FGF14: variants seen among roughly 807,000 people sequenced by gnomAD.
The protein encoded by FGF14 is fibroblast growth factor homologous factor 4.
A neutral mutation model predicts 25.5 loss-of-function variants in FGF14; 5 were observed. That is an observed-to-expected ratio of 0.20 (90% CI 0.10 to 0.41). The LOEUF is 0.41. FGF14 is among the 10% of genes least tolerant of loss of function. The pLI is 1.00. For synonymous variants in FGF14, 138 were observed against 118.3 expected (o/e 1.17, Z -1.08); for missense variants, 222 against 320.1 (o/e 0.69, Z 2.34).
intron 1 of FGF14, among the ~76,000 whole-genome samples, chr13:102,194,781 A>G (rs890986228): frequency 2.0e-5 from 3 of 152,216 alleles, no homozygotes; most frequent in African/African-American, 7.2e-5. Context: ...TGTAAGATCA[A>G]CTAAAATTAT....
Position 102,187,749 on chromosome 13 carries a change from GT to G in FGF14, c.208+213721del, listed in dbSNP as rs550200877. On this transcript the variant is annotated intron_variant, in intron 1 of 4. Transcript: ENST00000376131. Reference sequence around the variant, plus strand: ...GCACCTCTGTGGAAGAAAAGCCATAGTTACAGTTGGTTGTGTGGCTGGAAAT... The same window carrying G: ...GCACCTCTGTGGAAGAAAAGCCATAGTACAGTTGGTTGTGTGGCTGGAAAT... 1.1e-4 allele frequency among the ~76,000 whole-genome samples: 17 copies of G among 152,304 alleles called. No homozygotes were observed. The East Asian group carries it at 3.3e-3, about 29-fold the overall frequency.
At chr13:102,264,415 G>C (rs1185546370) in intron 1 of FGF14, among the ~76,000 whole-genome samples, 2 of 152,112 alleles carry the variant, frequency 1.3e-5, no homozygotes, top group African/African-American at 2.4e-5. Flanking sequence ...TAAAAGTTCT[G>C]ACCACTTCAG....
At chr13:101,934,976 T>G (rs912158) in intron 1 of FGF14, among the ~76,000 whole-genome samples, 3,855 of 152,328 alleles carry the variant, frequency 0.025, 154 homozygotes, top group African/African-American at 0.088. Context: ...CACGATATTG[T>G]ACATATTGTA....
intron 1 of FGF14, among the ~76,000 whole-genome samples, chr13:102,006,508 T>TACAAATACC (rs1219490037): frequency 3.9e-4 from 60 of 152,040 alleles, no homozygotes; most frequent in African/African-American, 1.4e-3. Context: ...AAACTTATTT[T>TACAAATACC]ACAAATACCA....
At chr13:101,873,572 G>A (rs75677922) in intron 2 of FGF14, among the ~76,000 whole-genome samples, 1 of 151,966 alleles carries the variant, frequency 6.6e-6, no homozygotes. Context: ...ATTATGAATC[G>A]CTAAACTTTG....
At chr13:101,971,192 A>G (rs1224905506) in intron 1 of FGF14, among the ~76,000 whole-genome samples, 1 of 152,154 alleles carries the variant, frequency 6.6e-6, no homozygotes, top group Non-Finnish European at 1.5e-5. Context: ...AATAGGGGAT[A>G]CAGAAATTTC....
chr13:102,106,208 G>A (rs181565746), intron 1 of FGF14, among the ~76,000 whole-genome samples: 1 of 152,066 alleles, frequency 6.6e-6, no homozygotes, highest in Non-Finnish European at 1.5e-5. Context: ...TGCTACTAAG[G>A]TATCCACACT....
upstream of FGF14, among the ~76,000 whole-genome samples, chr13:101,921,693 T>C (rs2034018760): frequency 6.6e-6 from 1 of 152,194 alleles, no homozygotes; most frequent in Admixed American, 6.5e-5. Flanking sequence ...CTCATGTGAT[T>C]TGTGCCCCAT....
At chr13:102,089,464 G>C (rs770085692) in intron 1 of FGF14, among the ~76,000 whole-genome samples, 10 of 152,056 alleles carry the variant, frequency 6.6e-5, no homozygotes, top group Non-Finnish European at 1.0e-4. Context: ...TAATATACCT[G>C]GATAAAATCA....
At chr13:102,114,226 G>T (rs762201438) in intron 1 of FGF14, among the ~76,000 whole-genome samples, 1 of 152,140 alleles carries the variant, frequency 6.6e-6, no homozygotes, top group African/African-American at 2.4e-5. Flanking sequence ...AAGAAATATC[G>T]AGTTCTTTGC....
intron 3 of FGF14, among the ~76,000 whole-genome samples, chr13:101,820,959 T>A (rs2042109275): frequency 6.6e-6 from 1 of 151,782 alleles, no homozygotes; most frequent in Admixed American, 6.6e-5. Flanking sequence ...TTTTGCTTTT[T>A]TTTTTTTTGA....
At chr13:102,378,245 G>C (rs2058086121) in intron 1 of FGF14, among the ~76,000 whole-genome samples, 2 of 152,040 alleles carry the variant, frequency 1.3e-5, no homozygotes, top group African/African-American at 4.8e-5. Context: ...TGTAACAAAT[G>C]CACCACTCCG....
intron 1 of FGF14, among the ~76,000 whole-genome samples, chr13:102,000,182 G>C (rs1195798445): frequency 3.3e-5 from 5 of 152,134 alleles, no homozygotes; most frequent in Admixed American, 3.3e-4. Context: ...AGCCGGGCCT[G>C]GTGGCGGGCA....
At chr13:102,288,583 AT>A (rs1025009720) in intron 1 of FGF14, among the ~76,000 whole-genome samples, 3 of 151,790 alleles carry the variant, frequency 2.0e-5, no homozygotes, top group Middle Eastern at 3.4e-3. Flanking sequence ...TTTATTTAAA[AT>A]TTTTTTATTT....
intron 1 of FGF14, among the ~76,000 whole-genome samples, chr13:101,906,307 A>G (rs1037736196): frequency 1.3e-5 from 2 of 152,170 alleles, no homozygotes; most frequent in Non-Finnish European, 2.9e-5. Flanking sequence ...TGCTGGTGGC[A>G]TTTACTTATG....
chr13:101,919,647 A>G (rs2493584), upstream of FGF14, among the ~76,000 whole-genome samples: 9,195 of 151,870 alleles, frequency 0.061, 529 homozygotes, highest in East Asian at 0.21. Flanking sequence ...ATCCCGCCCC[A>G]GCCCTACCTC....
At chr13:101,902,862 A>G (rs548726962) in intron 1 of FGF14, among the ~76,000 whole-genome samples, 54 of 152,316 alleles carry the variant, frequency 3.5e-4, no homozygotes, top group Non-Finnish European at 5.0e-4. Flanking sequence ...ATAAAAATCT[A>G]ATAGCTTTAG....
At chr13:102,018,960 A>G (rs542639748) in intron 1 of FGF14, among the ~76,000 whole-genome samples, 11 of 152,274 alleles carry the variant, frequency 7.2e-5, no homozygotes, top group South Asian at 4.1e-4. Context: ...TGCATGCTCA[A>G]TCAAGGCTGA....
At chr13:102,358,457 T>C (rs944457801) in intron 1 of FGF14, among the ~76,000 whole-genome samples, 1 of 152,198 alleles carries the variant, frequency 6.6e-6, no homozygotes, top group African/African-American at 2.4e-5. Flanking sequence ...GAAAACAGTT[T>C]GGTGCCAATA....
Sources: allele counts gnomAD v4.1 joint callset (sites outside exome capture counted in the v4.1 genomes callset), GRCh38; gene constraint gnomAD v4.1.1; transcripts MANE v1.5; gene names NCBI Gene and HGNC (gene_info 2026-07-23, HGNC 2026-07-21).